CDH23: variants seen among roughly 807,000 people sequenced by gnomAD.
The protein encoded by CDH23 is cadherin related 23.
A neutral mutation model predicts 317.1 loss-of-function variants in CDH23; 189 were observed. That is an observed-to-expected ratio of 0.60 (90% CI 0.53 to 0.67). The LOEUF is 0.67. CDH23 is among the 30% of genes least tolerant of loss of function. CDH23 has a pLI of 0.00. For missense variants in CDH23, 4,401 were observed against 4,592.4 expected, an observed-to-expected ratio of 0.96 and a Z score of 1.20; for synonymous variants, 1,839 against 1,876.8, an observed-to-expected ratio of 0.98 and a Z score of 0.52.
intron 28 of CDH23, among the ~76,000 whole-genome samples, chr10:71,723,231 C>A (rs1016895255): frequency 2.6e-5 from 4 of 152,152 alleles, no homozygotes; most frequent in African/African-American, 7.2e-5. Context: ...CTGCACTGCC[C>A]TGGGGGGTGT....
chr10:71,603,423 T>A (rs922898248), intron 9 of CDH23, among the ~76,000 whole-genome samples: 1 of 151,284 alleles, frequency 6.6e-6, no homozygotes, highest in Non-Finnish European at 1.5e-5. Flanking sequence ...AAGCCTCGGG[T>A]GAGTTATGTG....
chr10:71,541,565 G>A (rs2132288718), intron 6 of CDH23, among the ~76,000 whole-genome samples: 1 of 152,384 alleles, frequency 6.6e-6, no homozygotes, highest in South Asian at 2.1e-4. Flanking sequence ...GGATTCACCT[G>A]TGCATGTGTG....
Position 71,402,962 on chromosome 10 carries a change from G to GA in CDH23, c.-6+5654dup, listed in dbSNP as rs902851332. Among the ~76,000 whole-genome samples the GA allele has an allele frequency of 1.6e-4, 24 of 149,620 alleles. 1 individual carries two copies. The highest frequency in any genetic ancestry group is 3.4e-4 in the African/African-American group (14 of 40,848). The stretch of plus-strand genomic sequence containing the variant: ...AAACCACGTCTCTACTAAAAATACA[G>GA]AAAAAAAAAATTAGCCGAGCGTGGT... On this transcript the variant is annotated intron_variant, in intron 1 of 69. Coordinates refer to ENST00000224721, the MANE Select transcript of CDH23 (RefSeq NM_022124.6).
chr10:71,571,163 G>A (rs543537464), intron 8 of CDH23, among the ~76,000 whole-genome samples: 3 of 152,324 alleles, frequency 2.0e-5, no homozygotes, highest in Admixed American at 6.5e-5. Flanking sequence ...GGCTTCCAGG[G>A]CAAGTAACGG....
intron 52 of CDH23, 36 bp from the exon 53 acceptor site, chr10:71,800,600 T>C: frequency 1.2e-6 from 2 of 1,605,726 alleles, no homozygotes; most frequent in Non-Finnish European, 1.7e-6. Context: ...ATCTTTTGAA[T>C]GATTGAAGGA....
At chr10:71,406,493 T>C (rs1428718456) in intron 1 of CDH23, among the ~76,000 whole-genome samples, 1 of 152,136 alleles carries the variant, frequency 6.6e-6, no homozygotes, top group African/African-American at 2.4e-5. Context: ...CAGGAGGCAT[T>C]CAGGTGGCTC....
chr10:71,773,545 G>A (rs542932490), intron 38 of CDH23: 2 of 1,156,220 alleles, frequency 1.7e-6, no homozygotes, highest in Non-Finnish European at 1.2e-6. Context: ...GAGCGCTGCG[G>A]GCGGCCCCAG....
rs184871755 is a variant in CDH23 at position 71,567,726 on chromosome 10, T to C, written c.624+790T>C. ...CCTGGGGAACAGGCAAGCCACACTC[T>C]AAATAGGGTCCTCCCCCTACCCGCC... On this transcript the variant is annotated intron_variant, in intron 7 of 69. Coordinates refer to ENST00000224721, the MANE Select transcript of CDH23 (RefSeq NM_022124.6). Among the ~76,000 whole-genome samples the C allele has an allele frequency of 8.1e-4, 124 of 152,324 alleles. 1 individual carries two copies. Among genetic ancestry groups the C allele is most frequent in the Non-Finnish European group, 1.2e-4 (8 of 68,022 alleles).
At chr10:71,673,904 A>G (rs1193739221) in intron 14 of CDH23, among the ~76,000 whole-genome samples, 1 of 152,182 alleles carries the variant, frequency 6.6e-6, no homozygotes, top group African/African-American at 2.4e-5. Context: ...GGGTGGTGAC[A>G]TGGCTCAGTG....
At position 71,706,925 on chromosome 10, in the gene CDH23, CT is replaced by C. The variant is rs1554858698; in HGVS notation, c.2984del (p.Phe995SerfsTer23). On this transcript the variant is annotated frameshift_variant, in exon 26 of 70. Coordinates refer to ENST00000224721, the MANE Select transcript of CDH23 (RefSeq NM_022124.6). LOFTEE classifies it high-confidence loss of function. ...VLDVNDETPT[F>X]FPAVYNVSVS... ...TGGATGTGAACGACGAGACGCCCACCTTCTTCCCGGCCGTGTACAATGTGTC... is the reference window on the plus strand; with the variant it reads ...TGGATGTGAACGACGAGACGCCCACCTCTTCCCGGCCGTGTACAATGTGTC... 1 of 1,605,276 alleles carries C rather than the reference CT, an allele frequency of 6.2e-7. No homozygotes were observed. Among genetic ancestry groups the C allele is most frequent in the Non-Finnish European group, 8.5e-7 (1 of 1,176,322 alleles).
intron 38 of CDH23, chr10:71,773,236 G>A (rs1302535829): frequency 8.7e-7 from 1 of 1,146,922 alleles, no homozygotes; most frequent in East Asian, 2.8e-5. Context: ...GCGGTGGGTG[G>A]AGTGGGGTGC....
intron 3 of CDH23, among the ~76,000 whole-genome samples, chr10:71,505,657 T>C (rs913073775): frequency 1.3e-5 from 2 of 152,282 alleles, no homozygotes; most frequent in African/African-American, 2.4e-5. Context: ...AGGGTACCAA[T>C]AGCGTCTGCT....
At chr10:71,561,243 G>C (rs1259389430) in intron 6 of CDH23, among the ~76,000 whole-genome samples, 2 of 151,410 alleles carry the variant, frequency 1.3e-5, no homozygotes, top group Non-Finnish European at 2.9e-5. Context: ...CCTCAGTCCT[G>C]CCCCTCTCAC....
intron 6 of CDH23, among the ~76,000 whole-genome samples, chr10:71,551,875 A>G (rs1006174210): frequency 6.6e-6 from 1 of 152,158 alleles, no homozygotes; most frequent in Admixed American, 6.5e-5. Context: ...CAGCAGGGAC[A>G]GAGGCACCAT....
chr10:71,475,239 C>T (rs1030184842), intron 3 of CDH23, among the ~76,000 whole-genome samples: 60 of 152,204 alleles, frequency 3.9e-4, no homozygotes, highest in African/African-American at 1.3e-3. Context: ...ACACGACATC[C>T]GCAGGAGCTG....
chr10:71,806,013 G>A lies in CDH23; in HGVS notation c.8064+16G>A. 1.3e-6 allele frequency: 2 copies of A among 1,593,660 alleles called. No individual in the cohort carries two copies. The highest frequency in any genetic ancestry group is 1.7e-5 in the Admixed American group (1 of 57,804). Reference sequence around the variant, plus strand: ...GGTGTACAGCGTAAGGGCGGGGCCCGGTGCGAGGGGCGGGGTCTGGGGCGG... The same window carrying A: ...GGTGTACAGCGTAAGGGCGGGGCCCAGTGCGAGGGGCGGGGTCTGGGGCGG... On this transcript the variant is annotated intron_variant, in intron 56 of 69. Transcript: ENST00000224721.
At chr10:71,498,291 C>T (rs962115497) in intron 3 of CDH23, among the ~76,000 whole-genome samples, 4 of 152,164 alleles carry the variant, frequency 2.6e-5, no homozygotes, top group Admixed American at 1.3e-4. Context: ...TTCTCCTGTG[C>T]CCTTTGAGCC....
In CDH23 at chr10:71,705,076, G is replaced by A. The variant is rs1470832620; in HGVS notation, c.2899G>A (p.Ala967Thr). ...CGCGGAGTACCAGCTGCGGGTGGTG[G>A]CCAGTGATGCAGGCACGCCCACCAA... is the stretch of plus-strand genomic sequence containing the variant. Reference protein sequence around the residue: ...RIAEYQLRVVASDAGTPTKSS... With the variant: ...RIAEYQLRVVTSDAGTPTKSS... Residue 967 changes from alanine to threonine, a missense_variant, in exon 25 of 70, where the codon GCC (alanine) becomes ACC (threonine). Around this residue, in one of 3 missense-constraint regions of CDH23, gnomAD observed 3,068 missense variants for 3,203.3 expected, o/e 0.96. Coordinates refer to ENST00000224721, the MANE Select transcript of CDH23 (RefSeq NM_022124.6). 1 of 1,612,040 alleles carries A rather than the reference G, an allele frequency of 6.2e-7. No individual in the cohort carries two copies. The highest frequency in any genetic ancestry group is 1.1e-5 in the South Asian group (1 of 91,034).
At chr10:71,738,951 A>G (rs1839657840) in intron 35 of CDH23, among the ~76,000 whole-genome samples, 1 of 152,234 alleles carries the variant, frequency 6.6e-6, no homozygotes, top group East Asian at 1.9e-4. Flanking sequence ...CTGAGAGGAC[A>G]TGCTCGTCCT....
Sources: allele counts gnomAD v4.1 joint callset (sites outside exome capture counted in the v4.1 genomes callset), GRCh38; gene constraint gnomAD v4.1.1; regional missense constraint gnomAD v4.1.1; transcripts MANE v1.5; gene names NCBI Gene and HGNC (gene_info 2026-07-23, HGNC 2026-07-21).